The following SRPX variants were observed in gnomAD, a reference collection of about 807,000 sequenced individuals.
SRPX encodes the protein sushi repeat-containing protein SRPX.
Under a neutral mutation model 38.1 loss-of-function variants are expected in SRPX, and 24 were observed. That is an observed-to-expected ratio of 0.63 (90% CI 0.46 to 0.89). The LOEUF is 0.89. SRPX is among the 40% of genes least tolerant of loss of function. SRPX has a pLI of 0.00. For synonymous variants in SRPX, 184 were observed against 153.8 expected (o/e 1.20, Z -1.45); for missense variants, 416 against 377.8 (o/e 1.10, Z -0.84).
chrX:38,172,879 C>CGAGAGTGA (rs1378451299), intron 3 of SRPX, among the ~76,000 whole-genome samples: 1 of 112,365 alleles, frequency 8.9e-6, no homozygotes, highest in Non-Finnish European at 1.9e-5. Context: ...GAAAAGAGAA[C>CGAGAGTGA]GAGAGTGAGA....
At chrX:38,191,830 T>C (rs772705725) in intron 1 of SRPX, among the ~76,000 whole-genome samples, 2 of 112,262 alleles carry the variant, frequency 1.8e-5, no homozygotes, top group East Asian at 2.8e-4. Flanking sequence ...TTGAAAACAA[T>C]TGTATTACAC....
intron 1 of SRPX, among the ~76,000 whole-genome samples, chrX:38,220,215 A>T (rs1196012235): frequency 8.8e-6 from 1 of 113,531 alleles, no homozygotes; most frequent in Non-Finnish European, 1.9e-5. Flanking sequence ...CCTTCCACAA[A>T]AGTCGCTTTA....
chrX:38,151,357 A>G (rs1204256119), intron 9 of SRPX, among the ~76,000 whole-genome samples: 2 of 112,162 alleles, frequency 1.8e-5, no homozygotes, highest in East Asian at 2.8e-4. Flanking sequence ...AAGGATATTG[A>G]GTTTTCTTTT....
chrX:38,156,773 C>T, intron 8 of SRPX, 123 bp downstream of exon 8: 1 of 826,502 alleles, frequency 1.2e-6, no homozygotes, highest in Non-Finnish European at 1.7e-6. Context: ...CTCTAAAGTG[C>T]CACTTCCTGA....
chrX:38,173,867 G>A (rs930047951), intron 3 of SRPX, among the ~76,000 whole-genome samples: 2 of 111,911 alleles, frequency 1.8e-5, no homozygotes, highest in African/African-American at 3.2e-5. Flanking sequence ...ACCCATGTGC[G>A]TCTTATTTGT....
At chrX:38,158,806 C>A (rs1028059543) in intron 7 of SRPX, among the ~76,000 whole-genome samples, 1 of 110,716 alleles carries the variant, frequency 9.0e-6, no homozygotes, top group Admixed American at 9.6e-5. Context: ...TGGTGAAACC[C>A]CGTCTTTACT....
chrX:38,199,571 C>T (rs1476120260), intron 1 of SRPX, among the ~76,000 whole-genome samples: 2 of 110,872 alleles, frequency 1.8e-5, no homozygotes, highest in Non-Finnish European at 3.8e-5. Flanking sequence ...GTGACTTTGG[C>T]TAGCCCCATC....
At chrX:38,182,308 G>T (rs1283275941) in intron 1 of SRPX, among the ~76,000 whole-genome samples, 2 of 111,958 alleles carry the variant, frequency 1.8e-5, no homozygotes, top group Non-Finnish European at 3.8e-5. Context: ...CAATTTCAAA[G>T]AAATGAGATA....
intron 4 of SRPX, among the ~76,000 whole-genome samples, chrX:38,165,513 G>A (rs1302305149): frequency 8.9e-6 from 1 of 111,748 alleles, no homozygotes; most frequent in African/African-American, 3.3e-5. Context: ...AATTGCCCCA[G>A]GCAAGGTAAA....
At chrX:38,165,294 A>T (rs1325390318) in intron 4 of SRPX, among the ~76,000 whole-genome samples, 1 of 112,152 alleles carries the variant, frequency 8.9e-6, no homozygotes, top group Non-Finnish European at 1.9e-5. Context: ...TATTACAGAA[A>T]GGCATTCTAG....
At chrX:38,150,303 C>A (rs983263067) in intron 9 of SRPX, among the ~76,000 whole-genome samples, 3 of 112,187 alleles carry the variant, frequency 2.7e-5, no homozygotes, top group African/African-American at 9.7e-5. Context: ...AAATTGGAAT[C>A]AATCCAAGTT....
chrX:38,164,855 T>TTCCTTCACA lies in SRPX; in HGVS notation c.558_566dup (p.Lys188_Glu189insAspValLys), dbSNP rs1279506068. ...TCAGTTTGTTGGGTTCTGCAATGCG[T>TTCCTTCACA]TCCTTCACACTTGGGCACTTGATTC... On this transcript the variant is annotated inframe_insertion, in exon 5 of 10. Coordinates refer to ENST00000378533, the MANE Select transcript of SRPX (RefSeq NM_006307.5). 3 of 1,211,058 alleles carry TTCCTTCACA rather than the reference T, an allele frequency of 2.5e-6. 1 individual carries two copies. Among genetic ancestry groups the TTCCTTCACA allele is most frequent in the Non-Finnish European group, 1.1e-6 (1 of 894,982 alleles).
At chrX:38,152,997 T>A (rs1178486040) in intron 9 of SRPX, among the ~76,000 whole-genome samples, 1 of 112,242 alleles carries the variant, frequency 8.9e-6, no homozygotes, top group African/African-American at 3.2e-5. Flanking sequence ...AATATACTTT[T>A]AAAAGCTATT....
intron 1 of SRPX, among the ~76,000 whole-genome samples, chrX:38,201,959 C>G (rs1053229611): frequency 6.2e-5 from 7 of 112,137 alleles, no homozygotes; most frequent in Non-Finnish European, 1.1e-4. Flanking sequence ...CTATCTCTGA[C>G]TCTAAGAGTG....
At chrX:38,160,331 G>T in intron 6 of SRPX, 135 bp from the exon 7 acceptor site, 1 of 603,557 alleles carries the variant, frequency 1.7e-6, no homozygotes, top group Non-Finnish European at 2.6e-6. Context: ...TGAGGGAGGA[G>T]GGATGACTAT....
intron 4 of SRPX, among the ~76,000 whole-genome samples, chrX:38,169,670 T>C (rs1375160699): frequency 1.8e-5 from 2 of 112,282 alleles, no homozygotes; most frequent in African/African-American, 6.5e-5. Flanking sequence ...ACTCTCTGAA[T>C]GTCAAAAGAC....
intron 1 of SRPX, among the ~76,000 whole-genome samples, chrX:38,196,041 A>C (rs1938993422): frequency 8.9e-6 from 1 of 112,537 alleles, no homozygotes; most frequent in Non-Finnish European, 1.9e-5. Flanking sequence ...ATCAGTAAAA[A>C]TATGGAGTAT....
At chrX:38,216,136 T>C (rs1224666986) in intron 1 of SRPX, among the ~76,000 whole-genome samples, 1 of 111,987 alleles carries the variant, frequency 8.9e-6, no homozygotes, top group Non-Finnish European at 1.9e-5. Context: ...TCACTTTTCT[T>C]GGGCCTTTAG....
At chrX:38,162,861 G>C (rs899893677) in intron 5 of SRPX, among the ~76,000 whole-genome samples, 2 of 112,438 alleles carry the variant, frequency 1.8e-5, no homozygotes, top group Non-Finnish European at 3.8e-5. Flanking sequence ...ACCATATTAC[G>C]CAAGTTACCC....
Sources: allele counts gnomAD v4.1 joint callset (sites outside exome capture counted in the v4.1 genomes callset), GRCh38; gene constraint gnomAD v4.1.1; transcripts MANE v1.5; gene names NCBI Gene and HGNC (gene_info 2026-07-23, HGNC 2026-07-21).